ESRRB: variants seen among roughly 807,000 people sequenced by gnomAD.
ESRRB encodes the protein estrogen related receptor beta, also known as steroid hormone receptor ERR2.
A neutral mutation model predicts 46.0 loss-of-function variants in ESRRB; 16 were observed. The ratio of observed to expected loss-of-function variants is 0.35; its 90% CI spans 0.24 to 0.53. ESRRB has a LOEUF of 0.53. ESRRB is among the 20% of genes least tolerant of loss of function. The pLI, the probability that ESRRB is intolerant of heterozygous loss-of-function variation, is 0.93. For missense variants in ESRRB, 488 were observed against 607.4 expected, an observed-to-expected ratio of 0.80 and a Z score of 2.07; for synonymous variants, 246 against 259.6, an observed-to-expected ratio of 0.95 and a Z score of 0.50.
At chr14:76,366,759 C>T (rs1242517566), upstream of ESRRB, among the ~76,000 whole-genome samples, 4 of 152,154 alleles carry the variant, frequency 2.6e-5, no homozygotes, top group Admixed American at 1.3e-4. Flanking sequence ...TACCGCTTGG[C>T]TTTAGATGAC....
In ESRRB at chr14:76,453,597, C is replaced by T. The variant is rs865844023; in HGVS notation, c.461-8948C>T. ...ATCAAATCAAATCTGAAAAAAAGCT[C>T]TTTTTTTTTTTTTTTTTTGAGACTG... On this transcript the variant is annotated intron_variant, in intron 2 of 6. Coordinates refer to ENST00000644823, the MANE Select transcript of ESRRB (RefSeq NM_001379180.1). Among the ~76,000 whole-genome samples the T allele has an allele frequency of 5.9e-3, 791 of 134,308 alleles. 5 individuals carry two copies. Among genetic ancestry groups the T allele is most frequent in the Non-Finnish European group, 7.5e-3 (473 of 62,776 alleles). The allele number at this position is 134,308 out of a possible 152,430, so 88.1% of individuals were successfully genotyped here.
chr14:76,324,223 G>T (rs757797510), intron 1 of ESRRB, among the ~76,000 whole-genome samples: 2 of 152,174 alleles, frequency 1.3e-5, no homozygotes, highest in Non-Finnish European at 2.9e-5. Context: ...CATAAATGAC[G>T]CTGCAGAGTT....
chr14:76,490,295 CTTAT>C (rs993825935), intron 5 of ESRRB, among the ~76,000 whole-genome samples: 1 of 152,186 alleles, frequency 6.6e-6, no homozygotes, highest in Non-Finnish European at 1.5e-5. Context: ...AATCAGCTGA[CTTAT>C]TTATTTACTT....
At chr14:76,400,706 C>A (rs1885903981) in intron 1 of ESRRB, among the ~76,000 whole-genome samples, 1 of 152,170 alleles carries the variant, frequency 6.6e-6, no homozygotes, top group Non-Finnish European at 1.5e-5. Context: ...TGTCCTCAAG[C>A]TGGGCCTTAA....
At chr14:76,434,796 C>T (rs1472286526) in intron 1 of ESRRB, among the ~76,000 whole-genome samples, 2 of 152,200 alleles carry the variant, frequency 1.3e-5, no homozygotes, top group Non-Finnish European at 1.5e-5. Context: ...TGGAGCAGCT[C>T]TTGCCCAGGC....
At chr14:76,336,853 T>G (rs1884132829) in intron 1 of ESRRB, among the ~76,000 whole-genome samples, 2 of 151,160 alleles carry the variant, frequency 1.3e-5, no homozygotes, top group African/African-American at 4.9e-5. Context: ...TTTATGGGGG[T>G]GGGGGATGGA....
intron 1 of ESRRB, among the ~76,000 whole-genome samples, chr14:76,358,397 A>AAGAAAGAAAGAAAGAAAGAAAGAG (rs1884421995): frequency 7.9e-6 from 1 of 126,970 alleles, no homozygotes; most frequent in African/African-American, 3.1e-5. Context: ...GAAAGAAAGA[A>AAGAAAGAAAGAAAGAAAGAAAGAG]AGAAAGAAAG....
At chr14:76,330,072 A>T (rs1423077397) in intron 1 of ESRRB, among the ~76,000 whole-genome samples, 1 of 151,898 alleles carries the variant, frequency 6.6e-6, no homozygotes, top group African/African-American at 2.4e-5. Context: ...TGACGGACAC[A>T]CCTGTTCGCG....
chr14:76,424,938 T>C (rs899053249), intron 1 of ESRRB, among the ~76,000 whole-genome samples: 2 of 152,144 alleles, frequency 1.3e-5, no homozygotes. Context: ...GGTTTCACCA[T>C]CTTGGCCAGG....
At chr14:76,355,683 G>A (rs1282105750) in intron 1 of ESRRB, among the ~76,000 whole-genome samples, 4 of 152,282 alleles carry the variant, frequency 2.6e-5, no homozygotes, top group South Asian at 2.1e-4. Context: ...TAACTTCTCT[G>A]AGCCTCAGTT....
intron 1 of ESRRB, among the ~76,000 whole-genome samples, chr14:76,423,853 AGCCAGGAG>A (rs61170604): frequency 0.069 from 10,543 of 152,146 alleles, 535 homozygotes; most frequent in East Asian, 0.19. Context: ...GTCAAGAACC[AGCCAGGAG>A]GCCAGTGTGG....
At chr14:76,466,024 G>C (rs1889093949) in intron 3 of ESRRB, among the ~76,000 whole-genome samples, 1 of 152,200 alleles carries the variant, frequency 6.6e-6, no homozygotes, top group African/African-American at 2.4e-5. Context: ...TTGTTTGGGT[G>C]TCCCTCCTGG....
At chr14:76,399,410 A>C (rs544744294) in intron 1 of ESRRB, among the ~76,000 whole-genome samples, 1 of 152,164 alleles carries the variant, frequency 6.6e-6, no homozygotes, top group South Asian at 2.1e-4. Context: ...GTGAAATCAA[A>C]CAGCCAACAC....
In ESRRB at chr14:76,500,954, G is replaced by A; in HGVS notation, c.*2496G>A. On this transcript the variant is annotated 3_prime_UTR_variant, in exon 7 of 7. Transcript: ENST00000644823. ...CAATGGGAAAGTTCCTGGTACTGAA[G>A]GGGTCCATTGGACACTCAGAAAAGA... The A allele has an allele frequency of 1.7e-6, 1 of 591,594 alleles. No individual in the cohort carries two copies. Among genetic ancestry groups the A allele is most frequent in the East Asian group, 2.8e-5 (1 of 35,200 alleles). The allele number at this position is 591,594 out of a possible 1,614,324, so 36.6% of individuals were successfully genotyped here. A position where few individuals can be genotyped will look rare whatever the true frequency, so the allele number is the denominator to read the frequency against.
At chr14:76,385,090 T>A (rs766157118) in intron 1 of ESRRB, among the ~76,000 whole-genome samples, 1 of 152,164 alleles carries the variant, frequency 6.6e-6, no homozygotes, top group Non-Finnish European at 1.5e-5. Flanking sequence ...TTTTTGTATA[T>A]GTATCGTGGA....
intron 2 of ESRRB, among the ~76,000 whole-genome samples, chr14:76,443,364 C>G (rs1226580651): frequency 6.6e-6 from 1 of 152,104 alleles, no homozygotes; most frequent in Admixed American, 6.5e-5. Context: ...CTTTATACAC[C>G]CTGAGTCTGA....
chr14:76,341,024 C>A (rs1233302942), intron 1 of ESRRB, among the ~76,000 whole-genome samples: 1 of 152,158 alleles, frequency 6.6e-6, no homozygotes, highest in Non-Finnish European at 1.5e-5. Flanking sequence ...ACTCAGCCTG[C>A]CCCTGCACCC....
At chr14:76,478,345 A>G (rs1889663309) in intron 3 of ESRRB, among the ~76,000 whole-genome samples, 1 of 152,192 alleles carries the variant, frequency 6.6e-6, no homozygotes, top group Admixed American at 6.5e-5. Context: ...ATGAAAGGTC[A>G]GGCCCTATAT....
At chr14:76,416,232 G>C (rs1229617976) in intron 1 of ESRRB, among the ~76,000 whole-genome samples, 3 of 150,932 alleles carry the variant, frequency 2.0e-5, no homozygotes, top group Admixed American at 1.3e-4. Context: ...TGGCTCCTGG[G>C]ATCAAGGGAT....
Sources: allele counts gnomAD v4.1 joint callset (sites outside exome capture counted in the v4.1 genomes callset), GRCh38; gene constraint gnomAD v4.1.1; transcripts MANE v1.5; gene names NCBI Gene and HGNC (gene_info 2026-07-23, HGNC 2026-07-21).